Variants in CWF19L2 observed in about 807,000 individuals in gnomAD.
The protein encoded by CWF19L2 is CWF19-like protein 2.
CWF19L2 carries 98 observed loss-of-function variants against 111.7 expected under a neutral mutation model. That is an observed-to-expected ratio of 0.88 (90% CI 0.75 to 1.04). CWF19L2 has a LOEUF of 1.04. Ranked by LOEUF, CWF19L2 falls within the 50% of genes least tolerant of loss-of-function variation. The pLI is 0.00. For missense variants in CWF19L2, 1,101 were observed against 1,051.4 expected, an observed-to-expected ratio of 1.05 and a Z score of -0.65; for synonymous variants, 351 against 342.9, an observed-to-expected ratio of 1.02 and a Z score of -0.26.
chr11:107,425,176 TG>T (rs1861356327), intron 8 of CWF19L2, among the ~76,000 whole-genome samples: 1 of 114,024 alleles, frequency 8.8e-6, no homozygotes, highest in Admixed American at 8.9e-5. Context: ...GTACTCTCTT[TG>T]AAACACACAC....
chr11:107,361,863 G>C (rs897737557), intron 12 of CWF19L2, among the ~76,000 whole-genome samples: 3 of 152,210 alleles, frequency 2.0e-5, no homozygotes, highest in Non-Finnish European at 1.5e-5. Context: ...ACAGCTCCAA[G>C]CGTGAGAGAC....
In CWF19L2 at chr11:107,336,572, G is replaced by C. The variant is rs1336851852; in HGVS notation, c.2344C>G (p.Pro782Ala). ...PLPKEVGDMA[P>A]IYFKKAIMES... The stretch of plus-strand genomic sequence containing the variant: ...CTTATAAACACCTTAAAATAGATGG[G>C]AGCCATGTCACCCACTTCCTTGGGA... The change falls in exon 15 of 18, where the codon CCC (proline) becomes GCC (alanine). Residue 782 changes from proline (P) to alanine (A), a missense_variant. Physicochemically the swap from Pro to Ala is conservative, Grantham distance 27. Coordinates refer to ENST00000282251, the MANE Select transcript of CWF19L2 (RefSeq NM_152434.3). 1 of 1,601,476 alleles carries C rather than the reference G, an allele frequency of 6.2e-7. No homozygotes were observed. The highest frequency in any genetic ancestry group is 8.5e-7 in the Non-Finnish European group (1 of 1,175,684).
At chr11:107,391,120 G>C (rs886550238) in intron 11 of CWF19L2, among the ~76,000 whole-genome samples, 1 of 152,162 alleles carries the variant, frequency 6.6e-6, no homozygotes, top group African/African-American at 2.4e-5. Flanking sequence ...CCCTACTTTT[G>C]AGGTTTTGGG....
intron 14 of CWF19L2, among the ~76,000 whole-genome samples, chr11:107,347,240 T>C (rs937604272): frequency 5.1e-4 from 77 of 152,300 alleles, no homozygotes; most frequent in African/African-American, 1.8e-3. Context: ...AAATTACATT[T>C]AAATATTACT....
chr11:107,351,708 T>G (rs544364139), intron 13 of CWF19L2, among the ~76,000 whole-genome samples: 5 of 152,214 alleles, frequency 3.3e-5, no homozygotes, highest in African/African-American at 1.2e-4. Flanking sequence ...ACTCTGTAGC[T>G]CCTCCCATCA....
chr11:107,441,674 C>T, intron 4 of CWF19L2, 52 bp from the exon 5 acceptor site: 1 of 1,445,696 alleles, frequency 6.9e-7, no homozygotes, highest in Non-Finnish European at 9.1e-7. Flanking sequence ...TCATTTCAAT[C>T]TGAACTGATT....
At chr11:107,391,734 G>C (rs1346237852) in intron 11 of CWF19L2, among the ~76,000 whole-genome samples, 1 of 151,934 alleles carries the variant, frequency 6.6e-6, no homozygotes, top group Non-Finnish European at 1.5e-5. Flanking sequence ...GAGATCTTTG[G>C]AACAGGGGTG....
At chr11:107,357,277 G>C (rs556016032) in intron 12 of CWF19L2, among the ~76,000 whole-genome samples, 1 of 152,280 alleles carries the variant, frequency 6.6e-6, no homozygotes, top group East Asian at 1.9e-4. Context: ...AGAATAAAGA[G>C]CTAGAAGAAA....
At chr11:107,391,738 A>C (rs1254606781) in intron 11 of CWF19L2, among the ~76,000 whole-genome samples, 1 of 152,186 alleles carries the variant, frequency 6.6e-6, no homozygotes, top group Non-Finnish European at 1.5e-5. Context: ...TCTTTGGAAC[A>C]GGGGTGCAAC....
intron 12 of CWF19L2, among the ~76,000 whole-genome samples, chr11:107,376,091 A>G (rs1166873800): frequency 1.6e-5 from 2 of 127,570 alleles, no homozygotes; most frequent in East Asian, 2.3e-4. Flanking sequence ...GAATAGACCA[A>G]TAACAGGAGC....
At chr11:107,349,213 T>A (rs934733016) in intron 13 of CWF19L2, among the ~76,000 whole-genome samples, 160 bp from the exon 14 acceptor site, 2 of 152,206 alleles carry the variant, frequency 1.3e-5, no homozygotes, top group South Asian at 4.1e-4. Context: ...TTTGCAAATG[T>A]TAATATTTTT....
rs992773491 is a variant in CWF19L2 at position 107,334,971 on chromosome 11, A to G, written c.2359-10T>C. On this transcript the variant is annotated splice_polypyrimidine_tract_variant and intron_variant, in intron 15 of 17. Coordinates refer to ENST00000282251, the MANE Select transcript of CWF19L2 (RefSeq NM_152434.3). ...ATTCCATTATGGCTTTCTAAGAAAT[A>G]TCCATTTGTTAAGTGAAAAAAGAAC... 1.0e-5 allele frequency: 16 copies of G among 1,555,544 alleles called. No individual in the cohort carries two copies. The highest frequency in any genetic ancestry group is 1.4e-5 in the Non-Finnish European group (16 of 1,129,352).
chr11:107,342,966 T>C (rs933349937), intron 14 of CWF19L2, among the ~76,000 whole-genome samples: 10 of 152,094 alleles, frequency 6.6e-5, no homozygotes, highest in African/African-American at 1.7e-4. Flanking sequence ...AGGTAAGGAA[T>C]AGATTCTCTT....
intron 14 of CWF19L2, 77 bp from the exon 15 acceptor site, chr11:107,336,790 T>C (rs1859932034): frequency 3.8e-6 from 3 of 795,290 alleles, no homozygotes; most frequent in Non-Finnish European, 5.7e-6. Flanking sequence ...ATATTTGAAA[T>C]ATGAAAACTT....
At chr11:107,375,437 C>A (rs1246511218) in intron 12 of CWF19L2, among the ~76,000 whole-genome samples, 1 of 139,146 alleles carries the variant, frequency 7.2e-6, no homozygotes, top group Non-Finnish European at 1.6e-5. Flanking sequence ...GACCACAGTG[C>A]AATCAAACTA....
chr11:107,362,019 A>G (rs187464241), intron 12 of CWF19L2, among the ~76,000 whole-genome samples: 2,352 of 152,288 alleles, frequency 0.015, 55 homozygotes, highest in African/African-American at 0.054. Flanking sequence ...TGGGAAGCGC[A>G]AGGGGTCAGG....
At position 107,378,580 on chromosome 11, in the gene CWF19L2, A is replaced by G. The variant is rs181767178; in HGVS notation, c.1872+11494T>C. On this transcript the variant is annotated intron_variant, in intron 12 of 17. Transcript: ENST00000282251. ...GGAATTGAACAATGAGAACACATGG[A>G]TACAGGAAGGGGAACATCACATTCT... Among the ~76,000 whole-genome samples, 374 of 152,310 alleles carry G rather than the reference A, an allele frequency of 2.5e-3. 2 individuals carry two copies. The highest frequency in any genetic ancestry group is 8.8e-3 in the African/African-American group (367 of 41,562).
chr11:107,364,280 C>G (rs1223966202), intron 12 of CWF19L2, among the ~76,000 whole-genome samples: 9 of 145,770 alleles, frequency 6.2e-5, no homozygotes, highest in Non-Finnish European at 3.0e-5. Flanking sequence ...AGAAAGTCAA[C>G]AAGGATACCC....
intron 12 of CWF19L2, among the ~76,000 whole-genome samples, chr11:107,367,118 CACA>C (rs1281227500): frequency 1.8e-5 from 2 of 114,178 alleles, no homozygotes; most frequent in Non-Finnish European, 3.8e-5. Flanking sequence ...AAATCAAAAC[CACA>C]ACGAGATACC....
Sources: allele counts gnomAD v4.1 joint callset (sites outside exome capture counted in the v4.1 genomes callset), GRCh38; gene constraint gnomAD v4.1.1; transcripts MANE v1.5; gene names NCBI Gene and HGNC (gene_info 2026-07-23, HGNC 2026-07-21).